ABI1: variants seen among roughly 807,000 people sequenced by gnomAD.
The protein encoded by ABI1 is Abelson interactor 1.
Under a neutral mutation model 54.6 loss-of-function variants are expected in ABI1, and 14 were observed. That is an observed-to-expected ratio of 0.26 (90% CI 0.17 to 0.40). The LOEUF is 0.40. ABI1 is among the 10% of genes least tolerant of loss of function. The probability of loss-of-function intolerance (pLI) is 1.00; values close to 1 mark genes in which losing one functional copy is unlikely to be tolerated. For missense variants in ABI1, 443 were observed against 598.3 expected (o/e 0.74, Z 2.71); for synonymous variants, 194 against 209.3 (o/e 0.93, Z 0.63).
chr10:26,807,253 C>T (rs911006538), intron 2 of ABI1, among the ~76,000 whole-genome samples: 5 of 152,106 alleles, frequency 3.3e-5, no homozygotes, highest in Admixed American at 1.3e-4. Context: ...GGTGGTGGAT[C>T]GCTTGAGCCC....
intron 2 of ABI1, among the ~76,000 whole-genome samples, chr10:26,777,502 G>A (rs528643996): frequency 6.6e-6 from 1 of 152,146 alleles, no homozygotes; most frequent in Non-Finnish European, 1.5e-5. Context: ...TATGTGGGCC[G>A]GGCATGGTGG....
At chr10:26,843,676 T>G (rs958333959) in intron 1 of ABI1, among the ~76,000 whole-genome samples, 2 of 151,296 alleles carry the variant, frequency 1.3e-5, no homozygotes, top group Non-Finnish European at 2.9e-5. Context: ...AGGATTTTCA[T>G]AGAGATAGTA....
intron 1 of ABI1, among the ~76,000 whole-genome samples, chr10:26,853,745 T>C (rs1464840822): frequency 1.3e-5 from 2 of 152,030 alleles, no homozygotes; most frequent in Admixed American, 6.6e-5. Flanking sequence ...GGTTTCACCA[T>C]GTTAGCCAGG....
At chr10:26,758,911 A>G in intron 8 of ABI1, 151 bp downstream of exon 8, 1 of 755,396 alleles carries the variant, frequency 1.3e-6, no homozygotes, top group South Asian at 2.2e-5. Context: ...TTAAAATGGT[A>G]TGATTCAAGG....
intron 2 of ABI1, among the ~76,000 whole-genome samples, chr10:26,795,694 G>A (rs1844067232): frequency 1.3e-5 from 2 of 151,784 alleles, no homozygotes; most frequent in African/African-American, 4.8e-5. Flanking sequence ...TAACCGAGAA[G>A]GTTAAAGATT....
intron 2 of ABI1, among the ~76,000 whole-genome samples, chr10:26,820,281 C>T (rs2047885764): frequency 6.6e-6 from 1 of 152,020 alleles, no homozygotes; most frequent in Non-Finnish European, 1.5e-5. Flanking sequence ...TATATCAAAA[C>T]ATCACATTGT....
chr10:26,844,480 C>T (rs761054031), intron 1 of ABI1, among the ~76,000 whole-genome samples: 19 of 152,192 alleles, frequency 1.2e-4, no homozygotes, highest in Non-Finnish European at 1.9e-4. Context: ...CCTCATGCCA[C>T]AACAGTATAT....
chr10:26,818,208 T>G (rs1350649440), intron 2 of ABI1, among the ~76,000 whole-genome samples: 3 of 144,864 alleles, frequency 2.1e-5, no homozygotes, highest in South Asian at 4.4e-4. Flanking sequence ...CCTAACAAAT[T>G]TGAAAGGACT....
chr10:26,810,578 C>T (rs1225257139), intron 2 of ABI1, among the ~76,000 whole-genome samples: 5 of 152,070 alleles, frequency 3.3e-5, no homozygotes, highest in African/African-American at 1.2e-4. Flanking sequence ...TGGCTTCTGT[C>T]GTAACGACTC....
At chr10:26,780,561 C>T (rs12779919) in intron 2 of ABI1, among the ~76,000 whole-genome samples, 27,149 of 152,112 alleles carry the variant, frequency 0.18, 2,579 homozygotes, top group Admixed American at 0.22. Flanking sequence ...TATAGCACCA[C>T]TCAAAACTGA....
At chr10:26,802,483 G>T (rs1242735568) in intron 2 of ABI1, among the ~76,000 whole-genome samples, 6 of 152,122 alleles carry the variant, frequency 3.9e-5, no homozygotes, top group Non-Finnish European at 1.5e-5. Context: ...GAGAGAGAAG[G>T]CAGTATCACA....
chr10:26,799,564 T>C (rs762628135), intron 2 of ABI1, among the ~76,000 whole-genome samples: 16 of 152,158 alleles, frequency 1.1e-4, no homozygotes, highest in African/African-American at 1.9e-4. Context: ...AATCTAAAAA[T>C]AGGCTTAGAA....
intron 10 of ABI1, among the ~76,000 whole-genome samples, chr10:26,751,090 A>AT (rs10716457): frequency 6.6e-6 from 1 of 151,874 alleles, no homozygotes; most frequent in African/African-American, 2.4e-5. Flanking sequence ...TTCAACTTGT[A>AT]TTTTTTTTAC....
intron 6 of ABI1, among the ~76,000 whole-genome samples, chr10:26,765,586 G>A (rs533107885): frequency 2.7e-5 from 4 of 149,830 alleles, no homozygotes; most frequent in African/African-American, 7.3e-5. Flanking sequence ...TTTTCAACCC[G>A]AGACTGCCTT....
chr10:26,826,436 G>A (rs991094627), intron 1 of ABI1, among the ~76,000 whole-genome samples: 1 of 152,200 alleles, frequency 6.6e-6, no homozygotes, highest in African/African-American at 2.4e-5. Flanking sequence ...AGCACAAGCA[G>A]AGCAGATTCA....
At chr10:26,767,431 C>T (rs775321205) in intron 6 of ABI1, among the ~76,000 whole-genome samples, 6 of 152,012 alleles carry the variant, frequency 3.9e-5, no homozygotes, top group South Asian at 2.1e-4. Context: ...TCCCTGCCCA[C>T]GTTATTAAGT....
chr10:26,809,308 TAC>T (rs2047074099), intron 2 of ABI1, among the ~76,000 whole-genome samples: 1 of 151,354 alleles, frequency 6.6e-6, no homozygotes, highest in Admixed American at 6.6e-5. Flanking sequence ...CAGTAATCCC[TAC>T]ACTTTGGGAC....
chr10:26,859,417 G>A (rs911517008), intron 1 of ABI1, among the ~76,000 whole-genome samples: 1 of 152,174 alleles, frequency 6.6e-6, no homozygotes, highest in Non-Finnish European at 1.5e-5. Flanking sequence ...ATAATCACAT[G>A]GGAGACATTT....
intron 2 of ABI1, among the ~76,000 whole-genome samples, chr10:26,817,589 G>C (rs1177418784): frequency 2.0e-5 from 3 of 152,116 alleles, no homozygotes; most frequent in Non-Finnish European, 4.4e-5. Flanking sequence ...CAGGTACATT[G>C]TTTCAGTTTG....
Sources: allele counts gnomAD v4.1 joint callset (sites outside exome capture counted in the v4.1 genomes callset), GRCh38; gene constraint gnomAD v4.1.1; transcripts MANE v1.5; gene names NCBI Gene and HGNC (gene_info 2026-07-23, HGNC 2026-07-21).